Variants in KLHL8 observed in about 807,000 individuals in gnomAD.
KLHL8 encodes kelch like family member 8.
Under a neutral mutation model 63.5 loss-of-function variants are expected in KLHL8, and 38 were observed. The ratio of observed to expected loss-of-function variants is 0.60; its 90% CI spans 0.46 to 0.78. The LOEUF (loss-of-function observed/expected upper bound fraction) is 0.78, where lower values mean the gene tolerates loss of function less well. Among genes scored for constraint, KLHL8 ranks in the 30% least tolerant of loss-of-function variants. The pLI, the probability that KLHL8 is intolerant of heterozygous loss-of-function variation, is 0.00. For missense variants in KLHL8, 566 were observed against 752.4 expected (o/e 0.75, Z 2.90); for synonymous variants, 224 against 254.3 (o/e 0.88, Z 1.13).
intron 1 of KLHL8, among the ~76,000 whole-genome samples, chr4:87,230,513 T>A (rs1247675705): frequency 3.3e-5 from 5 of 152,240 alleles, no homozygotes; most frequent in Non-Finnish European, 7.3e-5. Flanking sequence ...CATGTAATCC[T>A]CTAGTCTGGT....
intron 1 of KLHL8, among the ~76,000 whole-genome samples, chr4:87,205,687 C>G (rs866985093): frequency 3.3e-5 from 5 of 152,274 alleles, no homozygotes; most frequent in African/African-American, 1.2e-4. Flanking sequence ...TGGTCTTGAA[C>G]TCCTGGACTC....
chr4:87,161,131 C>G lies in KLHL8; in HGVS notation c.*2388G>C, dbSNP rs976006737. The G allele has an allele frequency of 2.7e-5, 4 of 150,474 alleles. No individual in the cohort carries two copies. Among genetic ancestry groups the G allele is most frequent in the African/African-American group, 9.8e-5 (4 of 40,900 alleles). 9.3% of individuals were successfully genotyped at this position (150,474 alleles called of 1,614,324 possible). A position where few individuals can be genotyped will look rare whatever the true frequency, so the allele number is the denominator to read the frequency against. Reference sequence around the variant, plus strand: ...CAACCTCGGCTCATTGCAACCTCCACCTCCTGGGTTCAAGCAATTCTCCTG... The same window carrying G: ...CAACCTCGGCTCATTGCAACCTCCAGCTCCTGGGTTCAAGCAATTCTCCTG... On this transcript the variant is annotated 3_prime_UTR_variant, in exon 10 of 10. Transcript: ENST00000273963.
At chr4:87,236,431 A>G (rs1733230428) in intron 1 of KLHL8, among the ~76,000 whole-genome samples, 1 of 149,028 alleles carries the variant, frequency 6.7e-6, no homozygotes, top group African/African-American at 2.5e-5. Context: ...CTGGTCTTGA[A>G]CTCCTGACCT....
intron 1 of KLHL8, among the ~76,000 whole-genome samples, chr4:87,235,999 G>A (rs1043178864): frequency 1.3e-5 from 2 of 152,154 alleles, no homozygotes; most frequent in Non-Finnish European, 2.9e-5. Context: ...AACAGCAGTA[G>A]TGACGAAGCG....
At chr4:87,189,073 G>C (rs1470036453) in intron 2 of KLHL8, among the ~76,000 whole-genome samples, 1 of 152,230 alleles carries the variant, frequency 6.6e-6, no homozygotes, top group Non-Finnish European at 1.5e-5. Context: ...CTGGTGCATA[G>C]TCGAAAATTA....
At chr4:87,193,138 A>AT (rs1447293606) in intron 2 of KLHL8, among the ~76,000 whole-genome samples, 1 of 152,170 alleles carries the variant, frequency 6.6e-6, no homozygotes. Context: ...ATAAACTTCA[A>AT]TTTTTTAAAA....
At chr4:87,210,599 A>C (rs965540982) in intron 1 of KLHL8, among the ~76,000 whole-genome samples, 1 of 152,214 alleles carries the variant, frequency 6.6e-6, no homozygotes, top group Non-Finnish European at 1.5e-5. Flanking sequence ...TACCCCTGAA[A>C]GTTGATGGAA....
At chr4:87,173,212 C>T (rs1293763720) in intron 6 of KLHL8, among the ~76,000 whole-genome samples, 1 of 152,160 alleles carries the variant, frequency 6.6e-6, no homozygotes, top group African/African-American at 2.4e-5. Context: ...ATAAATGGGA[C>T]TTCATTAAGA....
At chr4:87,164,113 A>G (rs764918630) in intron 8 of KLHL8, 34 bp from the exon 9 acceptor site, 65 of 1,531,658 alleles carry the variant, frequency 4.2e-5, no homozygotes, top group Non-Finnish European at 5.6e-5. Context: ...ACAGCATTAC[A>G]TTCCTTAGAA....
At chr4:87,201,532 G>T (rs1398422840) in intron 1 of KLHL8, among the ~76,000 whole-genome samples, 1 of 152,118 alleles carries the variant, frequency 6.6e-6, no homozygotes, top group African/African-American at 2.4e-5. Flanking sequence ...TTAACCAACT[G>T]GATTTCATGG....
chr4:87,228,091 G>A (rs1370734924), intron 1 of KLHL8, among the ~76,000 whole-genome samples: 1 of 152,138 alleles, frequency 6.6e-6, no homozygotes, highest in Non-Finnish European at 1.5e-5. Context: ...ACATTGATGT[G>A]TCAGGAGGGC....
Position 87,186,986 on chromosome 4 carries a change from A to C in KLHL8, c.217-1187T>G, listed in dbSNP as rs534156060. The stretch of plus-strand genomic sequence containing the variant: ...CTCACATAAAAGCAGTAAAAAAAAA[A>C]CACTGCAATCTCATCACCTTAATTA... On this transcript the variant is annotated intron_variant, in intron 2 of 9. Coordinates refer to ENST00000273963, the MANE Select transcript of KLHL8 (RefSeq NM_020803.5). Among the ~76,000 whole-genome samples the C allele has an allele frequency of 3.9e-5, 6 of 152,006 alleles. No individual in the cohort carries two copies. In the South Asian group the frequency reaches 1.0e-3, roughly 26 times the overall value.
intron 1 of KLHL8, among the ~76,000 whole-genome samples, chr4:87,211,628 C>CA (rs1379723516): frequency 6.6e-6 from 1 of 152,134 alleles, no homozygotes; most frequent in Admixed American, 6.5e-5. Context: ...CCCATCTCTA[C>CA]AAAAAATACA....
In KLHL8 at chr4:87,226,707, A is replaced by T. The variant is rs1400561458; in HGVS notation, n.58-5317T>A. Among the ~76,000 whole-genome samples the T allele has an allele frequency of 3.7e-3, 28 of 7,616 alleles. 6 individuals carry two copies. The South Asian group carries it at 0.068, about 19-fold the overall frequency. 5.0% of individuals were successfully genotyped at this position (7,616 alleles called of 152,430 possible). ...TATAATATATATATTATTTATATAT[A>T]ATATATATTATTTATATATAATATA... On this transcript the variant is annotated intron_variant and non_coding_transcript_variant, in intron 1 of 1. Transcript: ENST00000506274.
At chr4:87,230,703 A>C (rs547320011) in intron 1 of KLHL8, among the ~76,000 whole-genome samples, 1 of 152,280 alleles carries the variant, frequency 6.6e-6, no homozygotes, top group East Asian at 1.9e-4. Flanking sequence ...AAGAGTTACA[A>C]ATCTATTTCC....
At chr4:87,211,039 A>G (rs1732385257) in intron 1 of KLHL8, among the ~76,000 whole-genome samples, 1 of 152,222 alleles carries the variant, frequency 6.6e-6, no homozygotes, top group Non-Finnish European at 1.5e-5. Context: ...ATAAGCCCCT[A>G]AAGTATAGGC....
At chr4:87,167,169 A>G (rs1235025185) in intron 8 of KLHL8, 1 of 517,906 alleles carries the variant, frequency 1.9e-6, no homozygotes, top group East Asian at 4.7e-5. Context: ...AGAAGAAAGG[A>G]AACATTACAC....
intron 6 of KLHL8, among the ~76,000 whole-genome samples, chr4:87,175,555 T>C (rs950857708): frequency 2.0e-5 from 3 of 152,190 alleles, no homozygotes; most frequent in Non-Finnish European, 4.4e-5. Flanking sequence ...CTAGAGTATA[T>C]GTGGTCTACT....
intron 1 of KLHL8, among the ~76,000 whole-genome samples, chr4:87,226,655 AC>A (rs1442818314): frequency 9.9e-5 from 7 of 70,490 alleles, no homozygotes; most frequent in East Asian, 4.1e-4. Flanking sequence ...TATATATATT[AC>A]TTATATATAA....
Sources: gnomAD v4.1 joint callset for allele counts (sites outside exome capture counted in the v4.1 genomes callset) on GRCh38, gnomAD v4.1.1 for gene constraint, MANE v1.5 for transcripts, NCBI Gene and HGNC (gene_info 2026-07-23, HGNC 2026-07-21) for gene names.